TMEM51: variants seen among roughly 807,000 people sequenced by gnomAD.
TMEM51 encodes the protein transmembrane protein 51.
Under a neutral mutation model 13.6 loss-of-function variants are expected in TMEM51, and 8 were observed. The ratio of observed to expected loss-of-function variants is 0.59; its 90% CI spans 0.35 to 1.07. TMEM51 has a LOEUF of 1.07. Ranked by LOEUF, TMEM51 falls within the 50% of genes least tolerant of loss-of-function variation. The pLI is 0.02. For synonymous variants in TMEM51, 147 were observed against 144.4 expected (o/e 1.02, Z -0.13); for missense variants, 279 against 330.7 (o/e 0.84, Z 1.21).
chr1:15,207,754 G>A lies in TMEM51; in HGVS notation c.-266-2736G>A, dbSNP rs1644276105. On this transcript the variant is annotated intron_variant, in intron 1 of 3. Coordinates refer to ENST00000376008, the MANE Select transcript of TMEM51 (RefSeq NM_001136218.2). This position sits in a 1 kb window ranked among gnomAD's most constrained non-coding sequence, Gnocchi z 4.6. ...CACCTGCAAAGGCCAGGCAACCGCTGAAACCTCCAGCCCCACCAGGGAATA... is the reference window on the plus strand; with the variant it reads ...CACCTGCAAAGGCCAGGCAACCGCTAAAACCTCCAGCCCCACCAGGGAATA... Among the ~76,000 whole-genome samples the A allele has an allele frequency of 6.6e-6, 1 of 152,210 alleles. No individual in the cohort carries two copies. Among genetic ancestry groups the A allele is most frequent in the Admixed American group, 6.5e-5 (1 of 15,288 alleles).
At chr1:15,210,095 C>G (rs1644315602) in intron 1 of TMEM51, among the ~76,000 whole-genome samples, 1 of 152,030 alleles carries the variant, frequency 6.6e-6, no homozygotes, top group Non-Finnish European at 1.5e-5. Context: ...ATTCCATTTG[C>G]CGATTTTTGT....
In TMEM51 at chr1:15,161,720, C is replaced by T. The variant is rs1286014239; in HGVS notation, c.-267+7766C>T. Among the ~76,000 whole-genome samples, 1 of 151,710 alleles carries T rather than the reference C, an allele frequency of 6.6e-6. No homozygotes were observed. Among genetic ancestry groups the T allele is most frequent in the Non-Finnish European group, 1.5e-5 (1 of 67,986 alleles). ...TTGGGAAACCGAGGCAGGCAGATCA[C>T]GAGATCGAGACCATCCTGGCCAACA... On this transcript the variant is annotated intron_variant, in intron 1 of 3. Transcript: ENST00000376008. The surrounding 1 kb of genome is among the most constrained non-coding windows in gnomAD (Gnocchi z 4.0).
intron 1 of TMEM51, among the ~76,000 whole-genome samples, chr1:15,171,629 C>A (rs1643278990): frequency 6.6e-6 from 1 of 152,174 alleles, no homozygotes; most frequent in South Asian, 2.1e-4. Context: ...ATCATGATGA[C>A]CTCTAAAGTG....
chr1:15,187,453 A>G (rs1643815593), intron 1 of TMEM51, among the ~76,000 whole-genome samples: 1 of 152,214 alleles, frequency 6.6e-6, no homozygotes. Flanking sequence ...GGCTGAGGGC[A>G]GAGGGTGGTG....
chr1:15,204,304 A>T (rs1005658597), intron 1 of TMEM51, among the ~76,000 whole-genome samples: 1 of 152,256 alleles, frequency 6.6e-6, no homozygotes, highest in African/African-American at 2.4e-5. Context: ...CTGTAATCCC[A>T]GCACTTTGGG....
intron 1 of TMEM51, among the ~76,000 whole-genome samples, chr1:15,198,520 GATTCTC>G: frequency 6.6e-6 from 1 of 152,198 alleles, no homozygotes; most frequent in Middle Eastern, 3.4e-3. Context: ...GGGTTCAAGT[GATTCTC>G]GGTGCCTCAG....
In TMEM51 at chr1:15,219,367, A is replaced by G. The variant is rs546633394; in HGVS notation, c.386A>G (p.Tyr129Cys). 2 of 1,607,122 alleles carry G rather than the reference A, an allele frequency of 1.2e-6. No individual in the cohort carries two copies. Among genetic ancestry groups the G allele is most frequent in the East Asian group, 2.2e-5 (1 of 44,714 alleles). ...EEEDEEAASR[Y>C]YVPSYEEVMN... The stretch of plus-strand genomic sequence containing the variant: ...GAGGATGAGGAGGCTGCCTCAAGGT[A>G]CTATGTTCCCAGCTACGAGGAAGTG... The change falls in exon 4 of 4, where the codon TAC becomes TGC. Residue 129 changes from tyrosine (Y) to cysteine (C), a missense_variant. Tyr to Cys is a radical substitution (Grantham distance 194, BLOSUM62 -2). Coordinates refer to ENST00000376008, the MANE Select transcript of TMEM51 (RefSeq NM_001136218.2).
chr1:15,191,264 C>A (rs750256720), intron 1 of TMEM51, among the ~76,000 whole-genome samples: 2 of 152,244 alleles, frequency 1.3e-5, no homozygotes, highest in Non-Finnish European at 2.9e-5. Context: ...TTCCCTGAAG[C>A]CTCCAGAAGG....
Position 15,214,922 on chromosome 1 carries a change from G to A in TMEM51, c.-166G>A. On this transcript the variant is annotated 5_prime_UTR_variant, in exon 3 of 4. Transcript: ENST00000376008. ...CCTTCCACCGCAGCCATCCGCACGG[G>A]AGGCCTCGCGATTGCTCGGAACCAT... 6 of 663,670 alleles carry A rather than the reference G, an allele frequency of 9.0e-6. No homozygotes were observed. Among genetic ancestry groups the A allele is most frequent in the Middle Eastern group, 4.2e-4 (1 of 2,400 alleles). The allele number at this position is 663,670 out of a possible 1,614,324, so 41.1% of individuals were successfully genotyped here.
At chr1:15,215,520 GACT>G (rs1644418065) in intron 3 of TMEM51, 89 bp downstream of exon 3, 1 of 1,227,512 alleles carries the variant, frequency 8.1e-7, no homozygotes, top group Admixed American at 2.7e-5. Context: ...GTGGTGAAAA[GACT>G]GTCATCTACA....
intron 1 of TMEM51, among the ~76,000 whole-genome samples, chr1:15,162,729 C>T (rs1471372214): frequency 6.6e-6 from 1 of 152,014 alleles, no homozygotes; most frequent in Non-Finnish European, 1.5e-5. Context: ...ATGGACGAAC[C>T]TTGAGGACAT....
chr1:15,186,919 G>A (rs1467037673), intron 1 of TMEM51, among the ~76,000 whole-genome samples: 4 of 152,142 alleles, frequency 2.6e-5, no homozygotes, highest in African/African-American at 7.2e-5. Context: ...GAAGCAGGCC[G>A]GCTGCCTTGT....
chr1:15,219,332 G>C lies in TMEM51; in HGVS notation c.351G>C (p.Glu117Asp). The change falls in exon 4 of 4, where the codon GAG becomes GAC. Residue 117 changes from glutamate (E) to aspartate (D), a missense_variant. By Grantham distance (45) the Glu-to-Asp change is conservative. Coordinates refer to ENST00000376008, the MANE Select transcript of TMEM51 (RefSeq NM_001136218.2). ...GPHAQEEDSQ[E>D]EEEEDEEAAS... ...TCTGTGTGTCTTCTTGCAGCCAGGAGGAAGAAGAGGAGGATGAGGAGGCTG... is the reference window on the plus strand; with the variant it reads ...TCTGTGTGTCTTCTTGCAGCCAGGACGAAGAAGAGGAGGATGAGGAGGCTG... The C allele has an allele frequency of 6.3e-7, 1 of 1,576,592 alleles. No homozygotes were observed. Among genetic ancestry groups the C allele is most frequent in the Non-Finnish European group, 8.6e-7 (1 of 1,159,450 alleles).
In TMEM51 at chr1:15,207,856, A is replaced by G. The variant is rs1644278061; in HGVS notation, c.-266-2634A>G. Among the ~76,000 whole-genome samples, 1 of 152,178 alleles carries G rather than the reference A, an allele frequency of 6.6e-6. No homozygotes were observed. Reference sequence around the variant, plus strand: ...ATTTTCCTCATGTTGCCGGCAAATTATTTGCATACGGATACAAGATTTGGG... The same window carrying G: ...ATTTTCCTCATGTTGCCGGCAAATTGTTTGCATACGGATACAAGATTTGGG... On this transcript the variant is annotated intron_variant, in intron 1 of 3. Transcript: ENST00000376008. The surrounding 1 kb of genome is among the most constrained non-coding windows in gnomAD (Gnocchi z 4.6).
chr1:15,189,071 C>T (rs926341794), intron 1 of TMEM51, among the ~76,000 whole-genome samples: 4 of 152,090 alleles, frequency 2.6e-5, no homozygotes, highest in Non-Finnish European at 4.4e-5. Flanking sequence ...GACAGAATCT[C>T]GCTGTGTTGC....
At chr1:15,188,676 G>T (rs1298178558) in intron 1 of TMEM51, among the ~76,000 whole-genome samples, 2 of 152,186 alleles carry the variant, frequency 1.3e-5, no homozygotes, top group Non-Finnish European at 2.9e-5. Context: ...ACCTGTTTGG[G>T]ACATTCCTAT....
At chr1:15,206,584 G>A (rs1644255008) in intron 1 of TMEM51, among the ~76,000 whole-genome samples, 1 of 150,306 alleles carries the variant, frequency 6.7e-6, no homozygotes, top group African/African-American at 2.4e-5. Flanking sequence ...TACTTACCCT[G>A]TCCAAGACTC....
At chr1:15,164,543 C>T in intron 1 of TMEM51, 1 of 449,354 alleles carries the variant, frequency 2.2e-6, no homozygotes, top group East Asian at 7.0e-5. Flanking sequence ...ATGACATCAG[C>T]CTTGGTCACT....
At chr1:15,218,297 A>G (rs1474869885) in intron 3 of TMEM51, among the ~76,000 whole-genome samples, 1 of 152,222 alleles carries the variant, frequency 6.6e-6, no homozygotes, top group East Asian at 1.9e-4. Flanking sequence ...TTCTTTCTCT[A>G]CTGAAAGTTG....
Sources: allele counts gnomAD v4.1 joint callset (sites outside exome capture counted in the v4.1 genomes callset), GRCh38; gene constraint gnomAD v4.1.1; non-coding constraint Gnocchi (gnomAD v3.1); transcripts MANE v1.5; gene names NCBI Gene and HGNC (gene_info 2026-07-23, HGNC 2026-07-21).